CA10: variants seen among roughly 807,000 people sequenced by gnomAD.
CA10 encodes carbonic anhydrase-related protein 10.
A neutral mutation model predicts 44.2 loss-of-function variants in CA10; 14 were observed. The ratio of observed to expected loss-of-function variants is 0.32; its 90% CI spans 0.21 to 0.50. The LOEUF (loss-of-function observed/expected upper bound fraction) is 0.50, where lower values mean the gene tolerates loss of function less well. CA10 is among the 20% of genes least tolerant of loss of function. The pLI, the probability that CA10 is intolerant of heterozygous loss-of-function variation, is 0.99. For synonymous variants in CA10, 159 were observed against 141.6 expected, an observed-to-expected ratio of 1.12 and a Z score of -0.87; for missense variants, 350 against 409.7, an observed-to-expected ratio of 0.85 and a Z score of 1.26.
At chr17:52,121,402 T>C (rs1202074379) in intron 1 of CA10, among the ~76,000 whole-genome samples, 2 of 151,394 alleles carry the variant, frequency 1.3e-5, no homozygotes, top group Non-Finnish European at 2.9e-5. Flanking sequence ...GGATATTGCT[T>C]AAAAAAGAAA....
intron 3 of CA10, among the ~76,000 whole-genome samples, chr17:51,781,449 A>G (rs1906054934): frequency 1.3e-5 from 2 of 152,364 alleles, no homozygotes; most frequent in South Asian, 4.1e-4. Context: ...AGGTTAAATA[A>G]GGAAAAGAGA....
chr17:51,822,103 A>G (rs2143765314), intron 3 of CA10, among the ~76,000 whole-genome samples: 1 of 152,206 alleles, frequency 6.6e-6, no homozygotes, highest in South Asian at 2.1e-4. Flanking sequence ...CACTTTCTTT[A>G]GGCCTTTGCT....
At chr17:51,955,602 TGA>T (rs890052572) in intron 2 of CA10, among the ~76,000 whole-genome samples, 12 of 152,174 alleles carry the variant, frequency 7.9e-5, no homozygotes, top group African/African-American at 2.2e-4. Flanking sequence ...CTCCTGTTTC[TGA>T]GAAACCTTCC....
At chr17:51,806,203 G>C (rs759942905) in intron 3 of CA10, among the ~76,000 whole-genome samples, 4 of 152,128 alleles carry the variant, frequency 2.6e-5, no homozygotes, top group Non-Finnish European at 5.9e-5. Flanking sequence ...TTAAAGAATT[G>C]AGCAGTTTTG....
intron 3 of CA10, among the ~76,000 whole-genome samples, chr17:51,845,863 A>G (rs1978471873): frequency 6.6e-6 from 1 of 152,204 alleles, no homozygotes; most frequent in African/African-American, 2.4e-5. Context: ...TACCTTAGAT[A>G]TTTCAAACGT....
chr17:52,038,244 G>A (rs1208667533), intron 2 of CA10, among the ~76,000 whole-genome samples: 1 of 152,104 alleles, frequency 6.6e-6, no homozygotes, highest in Non-Finnish European at 1.5e-5. Context: ...GTGGGAGAGG[G>A]GACGGCTTAC....
chr17:51,932,670 T>C (rs1982711707), intron 2 of CA10, among the ~76,000 whole-genome samples: 1 of 152,062 alleles, frequency 6.6e-6, no homozygotes, highest in African/African-American at 2.4e-5. Flanking sequence ...ATGGTAGCAA[T>C]GGCCTGAGTT....
chr17:51,646,838 G>A (rs1400935014), intron 6 of CA10, among the ~76,000 whole-genome samples: 5 of 152,278 alleles, frequency 3.3e-5, no homozygotes, highest in South Asian at 2.1e-4. Context: ...CTCATGAATC[G>A]GCCATCATTA....
chr17:51,834,639 A>G (rs1426715022), intron 3 of CA10, among the ~76,000 whole-genome samples: 1 of 152,204 alleles, frequency 6.6e-6, no homozygotes, highest in Non-Finnish European at 1.5e-5. Context: ...AGAAGCTTCC[A>G]CATGAGGCAG....
chr17:51,693,107 C>T (rs2143432989), intron 4 of CA10, among the ~76,000 whole-genome samples: 1 of 152,312 alleles, frequency 6.6e-6, no homozygotes, highest in South Asian at 2.1e-4. Flanking sequence ...CCAATTTGGA[C>T]TAGTTTCAGC....
In CA10 at chr17:52,062,242, C is replaced by T. The variant is rs562454808; in HGVS notation, c.136+10077G>A. Among the ~76,000 whole-genome samples the T allele has an allele frequency of 2.9e-4, 44 of 151,772 alleles. 2 individuals carry two copies. Among genetic ancestry groups the T allele is most frequent in the South Asian group, 6.3e-4 (3 of 4,784 alleles). On this transcript the variant is annotated intron_variant, in intron 2 of 8. Transcript: ENST00000451037. ...ACCACCATCCCTGGCTAAGGTGTGG[C>T]TACTTTTAACAGCTTACAGTAAGAT...
At chr17:52,040,750 C>A (rs1047877896) in intron 2 of CA10, among the ~76,000 whole-genome samples, 1 of 151,928 alleles carries the variant, frequency 6.6e-6, no homozygotes, top group South Asian at 2.1e-4. Context: ...TTCGGAGAGA[C>A]CAAGGCAGCT....
chr17:51,931,105 G>A lies in CA10; in HGVS notation c.164C>T (p.Ser55Leu). The stretch of plus-strand genomic sequence containing the variant: ...CCCCACAGAGCAAAGATTCCAAGCT[G>A]AGTTCACCAATCCCCAGAAAGAAGG... ...PVPSFWGLVN[S>L]AWNLCSVGKR... The change falls in exon 3 of 9, where the codon TCA becomes TTA. Residue 55 changes from serine (S) to leucine (L), a missense_variant. By Grantham distance (145) the Ser-to-Leu change is moderately radical. Transcript: ENST00000451037. 2 of 1,613,532 alleles carry A rather than the reference G, an allele frequency of 1.2e-6. No individual in the cohort carries two copies. Among genetic ancestry groups the A allele is most frequent in the Non-Finnish European group, 1.7e-6 (2 of 1,179,648 alleles).
intron 1 of CA10, among the ~76,000 whole-genome samples, chr17:52,149,212 C>A (rs1182197092): frequency 1.3e-5 from 2 of 152,252 alleles, no homozygotes; most frequent in Non-Finnish European, 2.9e-5. Flanking sequence ...GGAAAACTCA[C>A]CTGAAAGTCA....
chr17:52,042,510 T>C (rs1428821894), intron 2 of CA10, among the ~76,000 whole-genome samples: 1 of 152,056 alleles, frequency 6.6e-6, no homozygotes, highest in Non-Finnish European at 1.5e-5. Flanking sequence ...TAACCATTTA[T>C]CAGATGTATA....
rs1488723765 is a variant in CA10, at chr17:52,054,639, T to C, written c.136+17680A>G. On this transcript the variant is annotated intron_variant, in intron 2 of 8. Coordinates refer to ENST00000451037, the MANE Select transcript of CA10 (RefSeq NM_020178.5). ...GGGGGCATCACGGAACCTGCCGACA[T>C]GTGATGTCTCCCCCAGACACCCAGC... Among the ~76,000 whole-genome samples the C allele has an allele frequency of 9.2e-5, 14 of 152,172 alleles. No individual in the cohort carries two copies. In the South Asian group the frequency reaches 2.7e-3, roughly 29 times the overall value.
chr17:51,849,107 ATG>A (rs752872968), intron 3 of CA10, among the ~76,000 whole-genome samples: 12 of 146,270 alleles, frequency 8.2e-5, no homozygotes, highest in African/African-American at 2.5e-4. Context: ...ATGTATATAT[ATG>A]TGTGTGTATA....
chr17:51,643,516 T>C (rs575426663), intron 6 of CA10, among the ~76,000 whole-genome samples: 2 of 152,318 alleles, frequency 1.3e-5, no homozygotes, highest in African/African-American at 4.8e-5. Flanking sequence ...GGCTAGTTTT[T>C]TTCATTGTCA....
In CA10 at chr17:51,841,288, A is replaced by G. The variant is rs1202617145; in HGVS notation, c.279+89702T>C. ...TGTGACTGTGTGTAGATACATACTG[A>G]TAGTTAATTTTCATAGTCCCCTTTC... On this transcript the variant is annotated intron_variant, in intron 3 of 8. Transcript: ENST00000451037. 5.9e-5 allele frequency among the ~76,000 whole-genome samples: 9 copies of G among 151,820 alleles called. No individual in the cohort carries two copies. In the East Asian group the frequency reaches 1.7e-3, roughly 29 times the overall value.
Sources: allele counts gnomAD v4.1 joint callset (sites outside exome capture counted in the v4.1 genomes callset), GRCh38; gene constraint gnomAD v4.1.1; transcripts MANE v1.5; gene names NCBI Gene and HGNC (gene_info 2026-07-23, HGNC 2026-07-21).